Variants in MCF2L observed in about 807,000 individuals in gnomAD.
The protein encoded by MCF2L is MCF.2 cell line derived transforming sequence like.
Under a neutral mutation model 153.4 loss-of-function variants are expected in MCF2L, and 97 were observed. The observed-to-expected ratio is 0.63, with a 90% CI of 0.54 to 0.75. The LOEUF (loss-of-function observed/expected upper bound fraction) is 0.75. Among genes scored for constraint, MCF2L ranks in the 30% least tolerant of loss-of-function variants. The probability of loss-of-function intolerance (pLI) is 0.00; values close to 1 mark genes in which losing one functional copy is unlikely to be tolerated. For missense variants in MCF2L, 1,347 were observed against 1,495.2 expected, an observed-to-expected ratio of 0.90 and a Z score of 1.64; for synonymous variants, 659 against 632.2, an observed-to-expected ratio of 1.04 and a Z score of -0.64.
rs2081811911 is a variant in MCF2L at position 112,960,471 on chromosome 13, T to G, written c.170-54292T>G. On this transcript the variant is annotated intron_variant, in intron 2 of 29. Transcript: ENST00000375608. The surrounding 1 kb of genome is among the most constrained non-coding windows in gnomAD (Gnocchi z 4.2). ...GCAGACTGCCTTGTCCCCTGCTCAT[T>G]TTGGTTGTTGCATTGAAATGTGGGT... Among the ~76,000 whole-genome samples the G allele has an allele frequency of 6.6e-6, 1 of 151,946 alleles. No homozygotes were observed.
intron 2 of MCF2L, among the ~76,000 whole-genome samples, chr13:112,921,178 A>G (rs1460523350): frequency 1.3e-5 from 2 of 152,156 alleles, no homozygotes; most frequent in African/African-American, 4.8e-5. Context: ...CTCCGTCTCA[A>G]AAACAAAAAA....
intron 1 of MCF2L, among the ~76,000 whole-genome samples, chr13:112,996,010 T>C (rs1337866602): frequency 6.6e-6 from 1 of 152,200 alleles, no homozygotes; most frequent in East Asian, 1.9e-4. Flanking sequence ...GATCCAAGCC[T>C]GACGTCTTCT....
At chr13:113,078,234 C>A in intron 13 of MCF2L, 129 bp from the exon 14 acceptor site, 2 of 735,798 alleles carry the variant, frequency 2.7e-6, no homozygotes, top group Non-Finnish European at 2.4e-6. Flanking sequence ...CAAGTCCTGC[C>A]CACGCCACCA....
intron 2 of MCF2L, among the ~76,000 whole-genome samples, chr13:112,909,020 C>T (rs566324830): frequency 1.8e-4 from 28 of 152,296 alleles, no homozygotes; most frequent in Non-Finnish European, 3.2e-4. Flanking sequence ...CACCGCGCCC[C>T]GCCCATGCTT....
chr13:112,989,365 G>A (rs113551391), intron 1 of MCF2L, among the ~76,000 whole-genome samples: 1 of 125,348 alleles, frequency 8.0e-6, no homozygotes, highest in East Asian at 2.6e-4. Context: ...GAGCTACCAC[G>A]CCAGAGTCCT....
intron 1 of MCF2L, among the ~76,000 whole-genome samples, chr13:112,898,780 G>C (rs1176902762): frequency 6.6e-6 from 1 of 152,068 alleles, no homozygotes; most frequent in African/African-American, 2.4e-5. Flanking sequence ...TCACACCTCT[G>C]CCTCCCGCTT....
rs562570339 is a variant in MCF2L, at chr13:113,088,642, C to G, written c.2834+14C>G. ...GACCAGCACCAGGTGAGAATGGACA[C>G]GCTGCCGCAGGCCTGCGTTTCTGGA... On this transcript the variant is annotated intron_variant, in intron 25 of 29. Coordinates refer to ENST00000535094, the MANE Select transcript of MCF2L (RefSeq NM_001112732.3). 1 of 1,602,992 alleles carries G rather than the reference C, an allele frequency of 6.2e-7. No individual in the cohort carries two copies. The highest frequency in any genetic ancestry group is 8.5e-7 in the Non-Finnish European group (1 of 1,179,086).
intron 25 of MCF2L, 128 bp downstream of exon 25, chr13:113,088,756 G>A (rs1029185375): frequency 2.1e-6 from 2 of 941,854 alleles, no homozygotes; most frequent in African/African-American, 3.2e-5. Context: ...TGAGGCCCCT[G>A]GTGTTTATGT....
chr13:112,905,911 G>A (rs72660096), intron 2 of MCF2L, among the ~76,000 whole-genome samples: 3,768 of 152,296 alleles, frequency 0.025, 77 homozygotes, highest in South Asian at 0.046. Flanking sequence ...AAGTGGAATT[G>A]CCGCATCATG....
chr13:112,898,088 C>T (rs1267686937), intron 1 of MCF2L, among the ~76,000 whole-genome samples: 2 of 152,242 alleles, frequency 1.3e-5, no homozygotes, highest in Non-Finnish European at 2.9e-5. Flanking sequence ...ACCTCTACTC[C>T]ACGTTATTAT....
chr13:112,994,293 C>T (rs920328455), intron 1 of MCF2L, among the ~76,000 whole-genome samples: 8 of 143,424 alleles, frequency 5.6e-5, no homozygotes, highest in African/African-American at 7.9e-5. Context: ...TGACGGGGCG[C>T]GGCGCGTGGG....
intron 1 of MCF2L, chr13:112,979,635 G>A (rs752617748): frequency 7.0e-5 from 113 of 1,612,274 alleles, no homozygotes; most frequent in Non-Finnish European, 8.1e-5. Flanking sequence ...AGCTGCCTCC[G>A]CTTTGTAGCA....
chr13:112,929,977 C>T (rs2081445267), intron 2 of MCF2L, among the ~76,000 whole-genome samples: 2 of 152,216 alleles, frequency 1.3e-5, no homozygotes, highest in East Asian at 3.9e-4. Context: ...AGAAAAGATG[C>T]TCAGAATCAT....
intron 1 of MCF2L, among the ~76,000 whole-genome samples, chr13:113,006,822 C>T (rs1325743316): frequency 6.6e-6 from 1 of 152,224 alleles, no homozygotes; most frequent in Non-Finnish European, 1.5e-5. Context: ...GGCCTGGAGC[C>T]TCACATGTGC....
rs1257201534 is a variant in MCF2L at position 112,983,138 on chromosome 13, A to G, written c.79+13680A>G. On this transcript the variant is annotated intron_variant, in intron 1 of 29. Transcript: ENST00000535094. The surrounding 1 kb of genome is among the most constrained non-coding windows in gnomAD (Gnocchi z 4.0). ...GGCCCACGGGCTGTGGCAGGGACGC[A>G]GCACTCAGCAGGTGCCTCAGGGTTT... Among the ~76,000 whole-genome samples, 1 of 152,086 alleles carries G rather than the reference A, an allele frequency of 6.6e-6. No homozygotes were observed. The highest frequency in any genetic ancestry group is 1.5e-5 in the Non-Finnish European group (1 of 68,010).
intron 2 of MCF2L, among the ~76,000 whole-genome samples, chr13:112,927,921 C>T (rs944507762): frequency 6.6e-6 from 1 of 152,166 alleles, no homozygotes; most frequent in Non-Finnish European, 1.5e-5. Context: ...AAATAGCAGC[C>T]AATTGCAGGC....
chr13:112,978,091 A>G (rs2082274595), intron 1 of MCF2L, among the ~76,000 whole-genome samples: 2 of 152,176 alleles, frequency 1.3e-5, no homozygotes, highest in Admixed American at 6.5e-5. Flanking sequence ...ACAAACAAAC[A>G]AAACCAAAGA....
rs980185848 is a variant in MCF2L at position 112,941,548 on chromosome 13, C to T, written c.169+39177C>T. Among the ~76,000 whole-genome samples the T allele has an allele frequency of 2.0e-5, 3 of 151,584 alleles. No homozygotes were observed. The highest frequency in any genetic ancestry group is 4.4e-5 in the Non-Finnish European group (3 of 67,936). Reference sequence around the variant, plus strand: ...GGCGCAGGTGTGGATGTCAGGTGATCGAGTTCACAAACAGCCTTGATGTTG... The same window carrying T: ...GGCGCAGGTGTGGATGTCAGGTGATTGAGTTCACAAACAGCCTTGATGTTG... On this transcript the variant is annotated intron_variant, in intron 2 of 29. Coordinates refer to the MCF2L transcript ENST00000375608. This position sits in a 1 kb window ranked among gnomAD's most constrained non-coding sequence, Gnocchi z 4.9.
chr13:112,981,820 C>A (rs533517223), intron 1 of MCF2L, among the ~76,000 whole-genome samples: 1 of 152,250 alleles, frequency 6.6e-6, no homozygotes, highest in South Asian at 2.1e-4. Context: ...CTGGCATGGA[C>A]GCCTGGGGAC....
Sources: gnomAD v4.1 joint callset for allele counts (sites outside exome capture counted in the v4.1 genomes callset) on GRCh38, gnomAD v4.1.1 for gene constraint, Gnocchi (gnomAD v3.1) non-coding constraint, MANE v1.5 for transcripts, NCBI Gene and HGNC (gene_info 2026-07-23, HGNC 2026-07-21) for gene names.